NOS1: variants seen among roughly 807,000 people sequenced by gnomAD.
NOS1 encodes NOS type I.
In NOS1, 51 loss-of-function variants were observed where a neutral mutation model predicts 164.5. The observed-to-expected ratio is 0.31, with a 90% CI of 0.25 to 0.39. The LOEUF is 0.39. Among genes scored for constraint, NOS1 ranks in the 10% least tolerant of loss-of-function variants. The pLI, the probability that NOS1 is intolerant of heterozygous loss-of-function variation, is 1.00. For synonymous variants in NOS1, 719 were observed against 745.8 expected (o/e 0.96, Z 0.59); for missense variants, 1,362 against 1,885.6 (o/e 0.72, Z 5.14).
At chr12:117,265,886 G>A (rs567258903) in intron 11 of NOS1, among the ~76,000 whole-genome samples, 2 of 151,760 alleles carry the variant, frequency 1.3e-5, no homozygotes, top group African/African-American at 4.8e-5. Context: ...TGCCTCCCGG[G>A]TTCACACCAT....
Position 117,232,851 on chromosome 12 carries a change from A to ATTTACT in NOS1, c.3236-721_3236-720insAGTAAA, listed in dbSNP as rs553719847. Among the ~76,000 whole-genome samples the ATTTACT allele has an allele frequency of 7.5e-3, 1,142 of 151,872 alleles. 12 individuals are homozygous for ATTTACT. Among genetic ancestry groups the ATTTACT allele is most frequent in the African/African-American group, 0.026 (1,082 of 41,424 alleles). ...ACAGAGGAAGTACTGTCTGGGTTGG[A>ATTTACT]TTTATTTTTATTTTTATTTTATTTA... On this transcript the variant is annotated intron_variant, in intron 21 of 28. Coordinates refer to ENST00000317775, the MANE Select transcript of NOS1 (RefSeq NM_000620.5).
chr12:117,337,083 A>G (rs912007623), intron 1 of NOS1, among the ~76,000 whole-genome samples: 1 of 142,940 alleles, frequency 7.0e-6, no homozygotes, highest in East Asian at 2.1e-4. Flanking sequence ...GGCATGAGCC[A>G]CTGTACCCAG....
chr12:117,290,712 C>T lies in NOS1; in HGVS notation c.853-286G>A, dbSNP rs2271987. On this transcript the variant is annotated intron_variant, in intron 3 of 28. Transcript: ENST00000317775. ...GGTGGTCTCTCTGGTTCAACAGGGT[C>T]GGACACACTGAGGAAGGACTCGGTG... Among the ~76,000 whole-genome samples the T allele has an allele frequency of 6.9e-3, 1,048 of 152,078 alleles. 72 individuals carry two copies. In the East Asian group the frequency reaches 0.17, roughly 25 times the overall value.
chr12:117,321,086 G>A lies in NOS1; in HGVS notation c.725+9259C>T, dbSNP rs1874894979. 2.6e-5 allele frequency among the ~76,000 whole-genome samples: 4 copies of A among 152,112 alleles called. No individual in the cohort carries two copies. In the South Asian group the frequency reaches 6.2e-4, roughly 24 times the overall value. On this transcript the variant is annotated intron_variant, in intron 2 of 28. Transcript: ENST00000317775. ...GTGCGGTGGCACGGTCTCGGCTCAC[G>A]GCAGCCTCTGCCTCCCGAGTTCAAG...
chr12:117,335,134 GT>G (rs1875743987), intron 1 of NOS1, among the ~76,000 whole-genome samples: 2 of 152,188 alleles, frequency 1.3e-5, no homozygotes, highest in Non-Finnish European at 2.9e-5. Context: ...TCCTATTATT[GT>G]TATGTAATAG....
chr12:117,314,294 T>C (rs1029186509), intron 2 of NOS1, among the ~76,000 whole-genome samples: 14 of 152,244 alleles, frequency 9.2e-5, no homozygotes, highest in African/African-American at 3.1e-4. Flanking sequence ...AACAGAAGTA[T>C]GGTCTGTTGA....
rs755411510 is a variant in NOS1, at chr12:117,253,664, C to G, written c.2622G>C (p.Glu874Asp). ...GDGPDLRDNF[E>D]SAGPLANVRF... ...TCACATTGGCCAGGGGTCCAGCACTCTCAAAGTTGTCTCTGAGGTCGGGCC... is the reference window on the plus strand; with the variant it reads ...TCACATTGGCCAGGGGTCCAGCACTGTCAAAGTTGTCTCTGAGGTCGGGCC... Residue 874 changes from glutamate to aspartate, a missense_variant, in exon 17 of 29, where the codon GAG becomes GAC. Physicochemically the swap from Glu to Asp is conservative, Grantham distance 45 (BLOSUM62 2). This residue lies in a region of NOS1 where 737 missense variants were observed against 1,030.3 expected (regional missense o/e 0.72). Transcript: ENST00000317775. The G allele has an allele frequency of 6.2e-7, 1 of 1,613,956 alleles. No homozygotes were observed. The highest frequency in any genetic ancestry group is 8.5e-7 in the Non-Finnish European group (1 of 1,179,970).
At chr12:117,282,577 T>A (rs1218545754) in intron 7 of NOS1, among the ~76,000 whole-genome samples, 1 of 152,144 alleles carries the variant, frequency 6.6e-6, no homozygotes, top group Non-Finnish European at 1.5e-5. Context: ...TAGGTCTTGC[T>A]CTCTACACAA....
chr12:117,334,601 G>C (rs1875716742), intron 1 of NOS1, among the ~76,000 whole-genome samples: 1 of 152,014 alleles, frequency 6.6e-6, no homozygotes, highest in South Asian at 2.1e-4. Flanking sequence ...TGCCATGTTG[G>C]ACAGGCTGGT....
chr12:117,341,122 C>G (rs576446352), intron 1 of NOS1, among the ~76,000 whole-genome samples: 8 of 152,080 alleles, frequency 5.3e-5, no homozygotes, highest in Admixed American at 5.2e-4. Context: ...ATTATCATCA[C>G]GTAAGCAGTC....
At chr12:117,259,344 G>T (rs954039654) in intron 14 of NOS1, among the ~76,000 whole-genome samples, 3 of 152,146 alleles carry the variant, frequency 2.0e-5, no homozygotes, top group Non-Finnish European at 4.4e-5. Flanking sequence ...AACGCTTTTT[G>T]GTAGCGTGGG....
chr12:117,286,159 T>C lies in NOS1; in HGVS notation c.1235A>G (p.His412Arg). 1 of 1,614,226 alleles carries C rather than the reference T, an allele frequency of 6.2e-7. No homozygotes were observed. ...ACAGCGCGAGGCATTCCGCCAGGCG[T>C]GCTTGGCCCCATAGATGAGCTCTGT... ...KDTELIYGAKHAWRNASRCVG... is the reference protein window; with the variant it reads ...KDTELIYGAKRAWRNASRCVG... The change falls in exon 6 of 29, where the codon CAC becomes CGC. Residue 412 changes from histidine (H) to arginine (R), a missense_variant. His to Arg is a conservative substitution (Grantham distance 29). Transcript: ENST00000317775.
chr12:117,261,928 A>G (rs1173017472), intron 13 of NOS1, among the ~76,000 whole-genome samples: 1 of 152,210 alleles, frequency 6.6e-6, no homozygotes, highest in African/African-American at 2.4e-5. Context: ...TCTACTGGGC[A>G]GGGCGAGTTC....
At chr12:117,279,649 G>A (rs1235034308) in intron 8 of NOS1, among the ~76,000 whole-genome samples, 1 of 152,186 alleles carries the variant, frequency 6.6e-6, no homozygotes, top group Non-Finnish European at 1.5e-5. Context: ...AACATGTCCC[G>A]CTCAGCAAGG....
rs561086954 is a variant in NOS1 at position 117,208,315 on chromosome 12, G to A, written c.*6994C>T. ...GCGTCAGTCCTTCAAGGAAGGTGCT[G>A]GAGCACAGGGACACTTGGCAGAGAT... On this transcript the variant is annotated 3_prime_UTR_variant, in exon 29 of 29. Transcript: ENST00000317775. 1 of 1,289,110 alleles carries A rather than the reference G, an allele frequency of 7.8e-7. No individual in the cohort carries two copies. Among genetic ancestry groups the A allele is most frequent in the East Asian group, 5.5e-5 (1 of 18,022 alleles). 79.9% of individuals were successfully genotyped at this position (1,289,110 alleles called of 1,614,324 possible).
chr12:117,323,220 G>C (rs1175198879), intron 2 of NOS1, among the ~76,000 whole-genome samples: 1 of 152,220 alleles, frequency 6.6e-6, no homozygotes, highest in East Asian at 1.9e-4. Context: ...AGTCCCTCCT[G>C]TTGCTTGAAT....
chr12:117,237,792 C>T (rs1338402996), intron 20 of NOS1, among the ~76,000 whole-genome samples: 1 of 152,080 alleles, frequency 6.6e-6, no homozygotes, highest in Non-Finnish European at 1.5e-5. Flanking sequence ...ATGTGTCAGG[C>T]ACTGTTCTAG....
intron 7 of NOS1, among the ~76,000 whole-genome samples, chr12:117,284,277 C>T (rs181445081): frequency 4.1e-4 from 63 of 152,250 alleles, no homozygotes; most frequent in African/African-American, 1.4e-3. Flanking sequence ...CAGCAGTGAG[C>T]GGGCAGAGTC....
intron 2 of NOS1, 145 bp from the exon 3 acceptor site, chr12:117,311,737 C>T: frequency 1.3e-6 from 1 of 798,062 alleles, no homozygotes; most frequent in Non-Finnish European, 1.8e-6. Flanking sequence ...GGGTACCCAT[C>T]CTGCTGCTTC....
Sources: gnomAD v4.1 joint callset for allele counts (sites outside exome capture counted in the v4.1 genomes callset) on GRCh38, gnomAD v4.1.1 for gene constraint, gnomAD v4.1.1 regional missense constraint, MANE v1.5 for transcripts, NCBI Gene and HGNC (gene_info 2026-07-23, HGNC 2026-07-21) for gene names.